Variants in ADSS2 observed in about 807,000 individuals in gnomAD.
The protein encoded by ADSS2 is adenylosuccinate synthase 2.
A neutral mutation model predicts 60.0 loss-of-function variants in ADSS2; 30 were observed. The observed-to-expected ratio is 0.50, with a 90% CI of 0.37 to 0.68. ADSS2 has a LOEUF of 0.68. Among genes scored for constraint, ADSS2 ranks in the 30% least tolerant of loss-of-function variants. ADSS2 has a pLI of 0.00. For missense variants in ADSS2, 373 were observed against 554.8 expected, an observed-to-expected ratio of 0.67 and a Z score of 3.29; for synonymous variants, 187 against 193.1, an observed-to-expected ratio of 0.97 and a Z score of 0.26.
chr1:244,422,782 C>T, intron 7 of ADSS2, 53 bp downstream of exon 7: 1 of 1,372,792 alleles, frequency 7.3e-7, no homozygotes, highest in Non-Finnish European at 1.0e-6. Flanking sequence ...ATCTAGATGC[C>T]AATTTGGCAA....
intron 1 of ADSS2, among the ~76,000 whole-genome samples, chr1:244,450,831 C>T (rs1462264227): frequency 6.6e-6 from 1 of 152,222 alleles, no homozygotes; most frequent in Non-Finnish European, 1.5e-5. Context: ...CGAAAGTTCA[C>T]TTTCGATGTC....
At chr1:244,447,186 T>TC (rs1665414691) in intron 1 of ADSS2, among the ~76,000 whole-genome samples, 1 of 152,180 alleles carries the variant, frequency 6.6e-6, no homozygotes, top group Non-Finnish European at 1.5e-5. Context: ...AATATGTAGC[T>TC]CATCCACACT....
intron 1 of ADSS2, among the ~76,000 whole-genome samples, chr1:244,440,389 A>C (rs1015580903): frequency 2.0e-5 from 3 of 152,242 alleles, no homozygotes. Context: ...TTTGCACCGT[A>C]TAAAGCAAAG....
intron 4 of ADSS2, among the ~76,000 whole-genome samples, chr1:244,425,534 C>G (rs1664784116): frequency 6.6e-6 from 1 of 152,092 alleles, no homozygotes; most frequent in Admixed American, 6.6e-5. Flanking sequence ...GATGGTGAAG[C>G]TAGAAAAGTC....
At chr1:244,415,037 T>C (rs2147988548) in intron 11 of ADSS2, among the ~76,000 whole-genome samples, 1 of 152,360 alleles carries the variant, frequency 6.6e-6, no homozygotes, top group African/African-American at 2.4e-5. Context: ...CCGGGGGATC[T>C]TGACCAAAAA....
intron 10 of ADSS2, 78 bp downstream of exon 10, chr1:244,417,550 A>C (rs1208273143): frequency 6.5e-7 from 1 of 1,527,212 alleles, no homozygotes. Flanking sequence ...TTTCCTATTA[A>C]GGTACTCCAC....
chr1:244,442,465 A>G (rs1029799810), intron 1 of ADSS2, among the ~76,000 whole-genome samples: 3 of 152,232 alleles, frequency 2.0e-5, no homozygotes, highest in African/African-American at 7.2e-5. Context: ...AACCAGTATT[A>G]CATTGATTAT....
At chr1:244,425,747 A>G (rs1206582317) in intron 4 of ADSS2, among the ~76,000 whole-genome samples, 1 of 152,188 alleles carries the variant, frequency 6.6e-6, no homozygotes, top group Admixed American at 6.5e-5. Context: ...TGCTGTACAT[A>G]CTAATTAGTT....
At chr1:244,443,389 T>C (rs2148013430) in intron 1 of ADSS2, among the ~76,000 whole-genome samples, 1 of 152,346 alleles carries the variant, frequency 6.6e-6, no homozygotes, top group South Asian at 2.1e-4. Flanking sequence ...AGCTGTATAT[T>C]CTATATTACT....
chr1:244,420,050 C>A, intron 8 of ADSS2, 120 bp downstream of exon 8: 1 of 1,062,670 alleles, frequency 9.4e-7, no homozygotes, highest in Non-Finnish European at 1.3e-6. Flanking sequence ...TTTCATCATT[C>A]CTGAATATAC....
At chr1:244,424,604 C>T (rs1664754201) in intron 4 of ADSS2, 1 of 374,700 alleles carries the variant, frequency 2.7e-6, no homozygotes, top group Non-Finnish European at 4.8e-6. Flanking sequence ...GCAGTCTATA[C>T]TATTTTAAAA....
At chr1:244,438,136 C>T (rs182606037) in intron 1 of ADSS2, among the ~76,000 whole-genome samples, 1 of 152,082 alleles carries the variant, frequency 6.6e-6, no homozygotes. Flanking sequence ...TACACACACA[C>T]AAAAAATCTC....
intron 12 of ADSS2, among the ~76,000 whole-genome samples, chr1:244,410,209 T>C (rs567087267): frequency 3.9e-5 from 6 of 152,352 alleles, no homozygotes; most frequent in African/African-American, 1.4e-4. Flanking sequence ...TAAGCAAATA[T>C]GCTTACTAAA....
At chr1:244,449,847 C>T (rs544827680) in intron 1 of ADSS2, among the ~76,000 whole-genome samples, 2 of 152,210 alleles carry the variant, frequency 1.3e-5, no homozygotes, top group Non-Finnish European at 2.9e-5. Context: ...CTTCTCTAGC[C>T]TTTCCAAGGG....
At position 244,409,558 on chromosome 1, in the gene ADSS2, G is replaced by T. The variant is rs746467727; in HGVS notation, c.*28C>A. 1.3e-6 allele frequency: 2 copies of T among 1,561,560 alleles called. No homozygotes were observed. The highest frequency in any genetic ancestry group is 1.8e-6 in the Non-Finnish European group (2 of 1,134,240). On this transcript the variant is annotated 3_prime_UTR_variant, in exon 13 of 13. Transcript: ENST00000366535. Reference sequence around the variant, plus strand: ...GAAAGTCTTTTCCCCTCCCTCTCAAGGAGTGTTTCTTGCATTACTGGCAAT... The same window carrying T: ...GAAAGTCTTTTCCCCTCCCTCTCAATGAGTGTTTCTTGCATTACTGGCAAT...
rs543437584 is a variant in ADSS2 at position 244,424,448 on chromosome 1, C to T, written c.407-61G>A. On this transcript the variant is annotated intron_variant, in intron 4 of 12. Coordinates refer to ENST00000366535, the MANE Select transcript of ADSS2 (RefSeq NM_001126.5). ...GATAATACACAAAAGCAAAATCCAC[C>T]GCATTTCAAATTACTGAAGTTATAA... 1,030 of 1,358,614 alleles carry T rather than the reference C, an allele frequency of 7.6e-4. 1 individual carries two copies. Among genetic ancestry groups the T allele is most frequent in the Non-Finnish European group, 9.9e-4 (941 of 954,406 alleles). The allele number at this position is 1,358,614 out of a possible 1,614,324, so 84.2% of individuals were successfully genotyped here. A position where few individuals can be genotyped will look rare whatever the true frequency, so the allele number is the denominator to read the frequency against.
chr1:244,423,924 C>T, intron 6 of ADSS2, 29 bp downstream of exon 6: 1 of 1,558,224 alleles, frequency 6.4e-7, no homozygotes, highest in Non-Finnish European at 8.8e-7. Flanking sequence ...TGCATTCATT[C>T]CTTCCATTTT....
intron 1 of ADSS2, among the ~76,000 whole-genome samples, chr1:244,446,490 T>G (rs1665387408): frequency 6.6e-6 from 1 of 152,170 alleles, no homozygotes; most frequent in African/African-American, 2.4e-5. Context: ...CCATTAAAGG[T>G]TTAAAGGTAT....
At chr1:244,443,926 T>C (rs1174244785) in intron 1 of ADSS2, among the ~76,000 whole-genome samples, 2 of 152,128 alleles carry the variant, frequency 1.3e-5, no homozygotes, top group African/African-American at 4.8e-5. Flanking sequence ...GGCTTTCAGG[T>C]TGAGGCCAAT....
Sources: gnomAD v4.1 joint callset for allele counts (sites outside exome capture counted in the v4.1 genomes callset) on GRCh38, gnomAD v4.1.1 for gene constraint, MANE v1.5 for transcripts, NCBI Gene and HGNC (gene_info 2026-07-23, HGNC 2026-07-21) for gene names.